Variants in RPS6KC1 observed in about 807,000 individuals in gnomAD.
RPS6KC1 encodes ribosomal protein S6 kinase C1.
RPS6KC1 carries 54 observed loss-of-function variants against 103.8 expected under a neutral mutation model. That is an observed-to-expected ratio of 0.52 (90% confidence interval 0.42 to 0.65). The LOEUF is 0.65. RPS6KC1 is among the 30% of genes least tolerant of loss of function. RPS6KC1 has a pLI of 0.00. For synonymous variants in RPS6KC1, 439 were observed against 438.7 expected (o/e 1.00, Z -0.01); for missense variants, 1,151 against 1,253.8 (o/e 0.92, Z 1.24).
chr1:213,494,360 T>C, the RPS6KC1 span, among the ~76,000 whole-genome samples: 1 of 152,004 alleles, frequency 6.6e-6, no homozygotes, highest in Non-Finnish European at 1.5e-5. Context: ...AAAAATTCTT[T>C]GATGTTTTCA....
At chr1:213,704,321 G>C in the RPS6KC1 span, among the ~76,000 whole-genome samples, 1 of 146,282 alleles carries the variant, frequency 6.8e-6, no homozygotes, top group African/African-American at 2.5e-5. Flanking sequence ...CCAGGGGGCG[G>C]AGCCTGCAGT....
At chr1:213,490,847 C>T in the RPS6KC1 span, among the ~76,000 whole-genome samples, 3 of 152,092 alleles carry the variant, frequency 2.0e-5, no homozygotes, top group Non-Finnish European at 4.4e-5. Flanking sequence ...AGGGGAAGTT[C>T]GCAGAATGGT....
chr1:213,813,118 G>T, the RPS6KC1 span, among the ~76,000 whole-genome samples: 3 of 151,976 alleles, frequency 2.0e-5, no homozygotes, highest in African/African-American at 7.2e-5. Context: ...GGGTGTGGTG[G>T]CACGCAACTG....
At chr1:213,722,634 CA>C in the RPS6KC1 span, among the ~76,000 whole-genome samples, 1 of 152,128 alleles carries the variant, frequency 6.6e-6, no homozygotes, top group African/African-American at 2.4e-5. Flanking sequence ...CTCCCTTCCC[CA>C]GTGGAGGGAG....
At chr1:213,564,679 T>C in the RPS6KC1 span, among the ~76,000 whole-genome samples, 1 of 152,226 alleles carries the variant, frequency 6.6e-6, no homozygotes, top group African/African-American at 2.4e-5. Flanking sequence ...ATTTCAACTT[T>C]GCAGGATCCC....
At chr1:213,818,280 G>A in the RPS6KC1 span, 1 of 152,252 alleles carries the variant, frequency 6.6e-6, no homozygotes, top group Non-Finnish European at 1.5e-5. Flanking sequence ...CAAAAGCTTA[G>A]ATAGGCCAAA....
the RPS6KC1 span, among the ~76,000 whole-genome samples, chr1:213,522,991 C>G: frequency 1.3e-5 from 2 of 152,240 alleles, no homozygotes; most frequent in Non-Finnish European, 2.9e-5. Flanking sequence ...AGCTTTCAGT[C>G]TAGCTCAGCT....
intron 7 of RPS6KC1, among the ~76,000 whole-genome samples, chr1:213,175,190 C>T (rs1315959388): frequency 6.6e-6 from 1 of 152,168 alleles, no homozygotes; most frequent in Non-Finnish European, 1.5e-5. Flanking sequence ...CTCATTTCTG[C>T]TCTCCCTCAC....
chr1:213,503,298 C>T, the RPS6KC1 span, among the ~76,000 whole-genome samples: 2 of 152,068 alleles, frequency 1.3e-5, no homozygotes, highest in Non-Finnish European at 2.9e-5. Context: ...TATACTTAAC[C>T]TAGTCAGTCT....
intron 1 of RPS6KC1, among the ~76,000 whole-genome samples, chr1:213,058,103 G>A (rs1445367977): frequency 8.1e-6 from 1 of 123,232 alleles, no homozygotes; most frequent in Non-Finnish European, 1.6e-5. Context: ...GGGTCTTGCT[G>A]TGTTGCCAGG....
the RPS6KC1 span, among the ~76,000 whole-genome samples, chr1:213,668,549 G>A: frequency 6.6e-6 from 1 of 151,794 alleles, no homozygotes; most frequent in Non-Finnish European, 1.5e-5. Flanking sequence ...AATTCTCAAG[G>A]GCCCTAGGAT....
the RPS6KC1 span, among the ~76,000 whole-genome samples, chr1:213,691,880 C>T: frequency 3.3e-5 from 5 of 152,134 alleles, no homozygotes; most frequent in African/African-American, 1.2e-4. Flanking sequence ...GGAGAGCTTT[C>T]CCAAAGGGGC....
At position 213,077,884 on chromosome 1, in the gene RPS6KC1, A is replaced by T. The variant is rs546389679; in HGVS notation, c.262+68A>T. The T allele has an allele frequency of 3.7e-6, 3 of 815,554 alleles. No individual in the cohort carries two copies. The African/African-American group carries it at 5.4e-5, about 15-fold the overall frequency. 50.5% of individuals were successfully genotyped at this position (815,554 alleles called of 1,614,324 possible). A position where few individuals can be genotyped will look rare whatever the true frequency, so the allele number is the denominator to read the frequency against. On this transcript the variant is annotated intron_variant, in intron 3 of 14. Transcript: ENST00000366960. ...TTTTGTATATATACTGAACTCTAAC[A>T]TAACTACACTATGAAGTCAGAAGCC...
At chr1:213,642,916 A>G in the RPS6KC1 span, among the ~76,000 whole-genome samples, 11 of 151,656 alleles carry the variant, frequency 7.3e-5, no homozygotes, top group Non-Finnish European at 1.5e-4. Context: ...ATATTTTATC[A>G]TTTTTCTAAC....
chr1:213,517,763 A>G, the RPS6KC1 span, among the ~76,000 whole-genome samples: 1 of 152,156 alleles, frequency 6.6e-6, no homozygotes, highest in African/African-American at 2.4e-5. Context: ...TGCAGAGCTG[A>G]GTTCAGTTCC....
the RPS6KC1 span, among the ~76,000 whole-genome samples, chr1:213,544,643 G>A: frequency 1.3e-5 from 2 of 152,112 alleles, no homozygotes; most frequent in Admixed American, 6.6e-5. Flanking sequence ...CTTTGTCCTG[G>A]GTTCTGAGGA....
the RPS6KC1 span, among the ~76,000 whole-genome samples, chr1:213,680,398 G>A: frequency 6.6e-6 from 1 of 152,322 alleles, no homozygotes; most frequent in East Asian, 1.9e-4. Flanking sequence ...CTGTTTCACA[G>A]GAACCTGAAA....
At chr1:213,847,946 TTCTC>T in the RPS6KC1 span, among the ~76,000 whole-genome samples, 3 of 151,964 alleles carry the variant, frequency 2.0e-5, no homozygotes, top group African/African-American at 7.3e-5. Flanking sequence ...TTCTCCTTGA[TTCTC>T]TCTGTTTCTC....
chr1:213,781,476 G>A, the RPS6KC1 span, among the ~76,000 whole-genome samples: 2 of 152,144 alleles, frequency 1.3e-5, no homozygotes, highest in African/African-American at 2.4e-5. Flanking sequence ...AAGGGAGAAA[G>A]ACACAGAAAA....
Sources: gnomAD v4.1 joint callset for allele counts (sites outside exome capture counted in the v4.1 genomes callset) on GRCh38, gnomAD v4.1.1 for gene constraint, MANE v1.5 for transcripts, NCBI Gene and HGNC (gene_info 2026-07-23, HGNC 2026-07-21) for gene names.